Variants in NPLOC4 observed in about 807,000 individuals in gnomAD.
The protein encoded by NPLOC4 is nuclear protein localization protein 4 homolog.
In NPLOC4, 18 loss-of-function variants were observed where a neutral mutation model predicts 80.6. That is an observed-to-expected ratio of 0.22 (90% CI 0.15 to 0.33). The LOEUF (loss-of-function observed/expected upper bound fraction) is 0.33. NPLOC4 is among the 10% of genes least tolerant of loss of function. The pLI, the probability that NPLOC4 is intolerant of heterozygous loss-of-function variation, is 1.00. For missense variants in NPLOC4, 540 were observed against 786.1 expected (o/e 0.69, Z 3.74); for synonymous variants, 313 against 301.5 (o/e 1.04, Z -0.39).
chr17:81,597,555 C>T (rs1006415849), intron 9 of NPLOC4, among the ~76,000 whole-genome samples: 4 of 151,820 alleles, frequency 2.6e-5, no homozygotes, highest in Admixed American at 6.6e-5. Context: ...GAGGCCGAGG[C>T]GGGTGGATCA....
intron 8 of NPLOC4, among the ~76,000 whole-genome samples, chr17:81,601,608 A>T (rs2144201875): frequency 6.6e-6 from 1 of 152,290 alleles, no homozygotes; most frequent in Middle Eastern, 3.4e-3. Flanking sequence ...GAGACCCTTT[A>T]AAAAAACTGA....
Position 81,626,982 on chromosome 17 carries a change from C to T in NPLOC4, c.96+2743G>A, listed in dbSNP as rs56770353. Among the ~76,000 whole-genome samples, 333 of 151,576 alleles carry T rather than the reference C, an allele frequency of 2.2e-3. 4 individuals are homozygous for T. The highest frequency in any genetic ancestry group is 7.5e-3 in the African/African-American group (309 of 41,276). ...GTGCGAGCCTGTAGTCCCAGCTACT[C>T]GGGAGGCTGAGGCAACAGAATCACT... On this transcript the variant is annotated intron_variant, in intron 2 of 16. Transcript: ENST00000331134.
At position 81,600,247 on chromosome 17, in the gene NPLOC4, C is replaced by T. The variant is rs149989796; in HGVS notation, c.921+94G>A. On this transcript the variant is annotated intron_variant, in intron 9 of 16. Coordinates refer to ENST00000331134, the MANE Select transcript of NPLOC4 (RefSeq NM_017921.4). ...TGTGCAGCCGGAGAGAGCCAGTACC[C>T]GACACAGCCCGGCCACTCTCCCAAC... 15 of 847,444 alleles carry T rather than the reference C, an allele frequency of 1.8e-5. No individual in the cohort carries two copies. The East Asian group carries it at 2.9e-4, about 16-fold the overall frequency. The allele number at this position is 847,444 out of a possible 1,614,324, so 52.5% of individuals were successfully genotyped here.
chr17:81,597,466 C>G, intron 9 of NPLOC4, 150 bp from the exon 10 acceptor site: 7 of 613,824 alleles, frequency 1.1e-5, no homozygotes, highest in Non-Finnish European at 1.2e-5. Context: ...CTGGCCAATA[C>G]AGTGAAACCC....
intron 12 of NPLOC4, among the ~76,000 whole-genome samples, chr17:81,573,057 G>A (rs1457629208): frequency 6.6e-6 from 1 of 152,156 alleles, no homozygotes; most frequent in African/African-American, 2.4e-5. Context: ...TCTGATTTAT[G>A]TCAAACATGC....
Position 81,610,749 on chromosome 17 carries a change from G to A in NPLOC4, c.387-491C>T, listed in dbSNP as rs1432024523. The stretch of plus-strand genomic sequence containing the variant: ...GGGTGGATCATGAGGTCAGGAGATC[G>A]AGACCATCCTGGCTAACAAGGTGAA... On this transcript the variant is annotated intron_variant, in intron 4 of 16. Coordinates refer to ENST00000331134, the MANE Select transcript of NPLOC4 (RefSeq NM_017921.4). Among the ~76,000 whole-genome samples, 8 of 36,768 alleles carry A rather than the reference G, an allele frequency of 2.2e-4. 2 individuals are homozygous for A. The highest frequency in any genetic ancestry group is 9.6e-4 in the East Asian group (3 of 3,130). The allele number at this position is 36,768 out of a possible 152,430, so 24.1% of individuals were successfully genotyped here.
At position 81,557,327 on chromosome 17, in the gene NPLOC4, T is replaced by G. The variant is rs180671233; in HGVS notation, c.*1932A>C. 2 of 152,570 alleles carry G rather than the reference T, an allele frequency of 1.3e-5. No individual in the cohort carries two copies. Among genetic ancestry groups the G allele is most frequent in the East Asian group, 3.9e-4 (2 of 5,188 alleles). The allele number at this position is 152,570 out of a possible 1,614,324, so 9.5% of individuals were successfully genotyped here. A position where few individuals can be genotyped will look rare whatever the true frequency, so the allele number is the denominator to read the frequency against. On this transcript the variant is annotated 3_prime_UTR_variant, in exon 17 of 17. Transcript: ENST00000331134. ...AGTGCATTACTGAACAAAGAGTAACTCAAAACCAGAATCAGACAAATCGCC... is the reference window on the plus strand; with the variant it reads ...AGTGCATTACTGAACAAAGAGTAACGCAAAACCAGAATCAGACAAATCGCC...
At chr17:81,604,448 G>T in intron 8 of NPLOC4, 100 bp downstream of exon 8, 1 of 1,083,150 alleles carries the variant, frequency 9.2e-7, no homozygotes, top group Non-Finnish European at 1.3e-6. Context: ...GACAAAGGGG[G>T]AACAAACAAC....
intron 4 of NPLOC4, 32 bp downstream of exon 4, chr17:81,613,286 A>C (rs2035392418): frequency 6.3e-7 from 1 of 1,594,850 alleles, no homozygotes; most frequent in Non-Finnish European, 8.5e-7. Flanking sequence ...GATCACCACA[A>C]GTAGGACCCT....
intron 12 of NPLOC4, among the ~76,000 whole-genome samples, chr17:81,578,257 A>G (rs960481269): frequency 3.3e-5 from 5 of 152,100 alleles, no homozygotes; most frequent in Non-Finnish European, 5.9e-5. Flanking sequence ...TGTGCTCTCC[A>G]GGTACATAGC....
chr17:81,574,486 T>C (rs1047853466), intron 12 of NPLOC4, among the ~76,000 whole-genome samples: 17 of 152,324 alleles, frequency 1.1e-4, no homozygotes, highest in African/African-American at 4.1e-4. Context: ...AATTACTTTT[T>C]ATGGGCCTTA....
intron 3 of NPLOC4, 134 bp downstream of exon 3, chr17:81,622,032 T>C: frequency 1.5e-6 from 1 of 668,034 alleles, no homozygotes; most frequent in Non-Finnish European, 2.7e-6. Flanking sequence ...AACACGGTCA[T>C]GTGTATTCTG....
At chr17:81,564,946 G>A in intron 16 of NPLOC4, 2 of 268,320 alleles carry the variant, frequency 7.5e-6, no homozygotes, top group Non-Finnish European at 1.4e-5. Context: ...GCTGCACGAG[G>A]CACCACGGTG....
chr17:81,604,563 A>T lies in NPLOC4; in HGVS notation c.819T>A (p.Ile273=), dbSNP rs373626859. The change falls in exon 8 of 17, where the codon ATT becomes ATA. Residue 273 remains isoleucine, a synonymous_variant. Transcript: ENST00000331134. ...TCATGTTTACCTGAGGTGGCTCATA[A>T]ATCGCAGCCACTTCAGCCCTGATGC... is the stretch of plus-strand genomic sequence containing the variant. The part of the protein sequence containing the change: ...PLGIRAEVAA[I]YEPPQIGTQN... 3.7e-6 allele frequency: 6 copies of T among 1,612,302 alleles called. No individual in the cohort carries two copies. Among genetic ancestry groups the T allele is most frequent in the Non-Finnish European group, 5.1e-6 (6 of 1,179,324 alleles).
At chr17:81,615,934 A>C (rs2035472619) in intron 3 of NPLOC4, among the ~76,000 whole-genome samples, 1 of 152,204 alleles carries the variant, frequency 6.6e-6, no homozygotes, top group African/African-American at 2.4e-5. Flanking sequence ...TTGGTTCAGA[A>C]AGCCCAAAGA....
At chr17:81,587,630 T>TAAA (rs57639613) in intron 12 of NPLOC4, among the ~76,000 whole-genome samples, 1 of 102,166 alleles carries the variant, frequency 9.8e-6, no homozygotes, top group African/African-American at 3.8e-5. Context: ...CCTGTCTCTT[T>TAAA]AAAAAAAAAA....
intron 3 of NPLOC4, among the ~76,000 whole-genome samples, chr17:81,616,109 G>A (rs965558330): frequency 6.6e-6 from 1 of 151,682 alleles, no homozygotes; most frequent in Admixed American, 6.6e-5. Flanking sequence ...ACGAGGTCAA[G>A]AGATTGAGAC....
intron 5 of NPLOC4, among the ~76,000 whole-genome samples, chr17:81,609,950 G>A (rs1043692429): frequency 1.3e-5 from 2 of 152,214 alleles, no homozygotes; most frequent in African/African-American, 4.8e-5. Flanking sequence ...CAGGGAGCCC[G>A]CTGTAAATGC....
chr17:81,564,788 C>CA (rs796741069), intron 16 of NPLOC4: 10,673 of 100,482 alleles, frequency 0.11, 702 homozygotes, highest in African/African-American at 0.21. Context: ...AACTCCGTCT[C>CA]AAAAAAAAAA....
Sources: gnomAD v4.1 joint callset for allele counts (sites outside exome capture counted in the v4.1 genomes callset) on GRCh38, gnomAD v4.1.1 for gene constraint, MANE v1.5 for transcripts, NCBI Gene and HGNC (gene_info 2026-07-23, HGNC 2026-07-21) for gene names.